DLGAP2: variants seen among roughly 807,000 people sequenced by gnomAD.
DLGAP2 encodes DLG associated protein 2.
In DLGAP2, 26 loss-of-function variants were observed where a neutral mutation model predicts 100.3. That is an observed-to-expected ratio of 0.26 (90% CI 0.19 to 0.36). The LOEUF (loss-of-function observed/expected upper bound fraction) is 0.36. Among genes scored for constraint, DLGAP2 ranks in the 10% least tolerant of loss-of-function variants. The pLI is 1.00. For missense variants in DLGAP2, 1,858 were observed against 1,453.2 expected (o/e 1.28, Z -4.53); for synonymous variants, 886 against 630.1 (o/e 1.41, Z -6.08).
intron 3 of DLGAP2, among the ~76,000 whole-genome samples, chr8:1,363,447 G>A (rs116629990): frequency 0.012 from 1,835 of 152,284 alleles, 37 homozygotes; most frequent in African/African-American, 0.041. Context: ...TAAGCCCTCC[G>A]TCCCCCACAC....
At chr8:744,032 T>C (rs1236691273) in intron 1 of DLGAP2, among the ~76,000 whole-genome samples, 1 of 152,248 alleles carries the variant, frequency 6.6e-6, no homozygotes, top group Non-Finnish European at 1.5e-5. Context: ...AGTCTTTGCA[T>C]CTAAATGCCC....
chr8:965,241 C>T lies in DLGAP2; in HGVS notation c.73+57275C>T, dbSNP rs1203879944. On this transcript the variant is annotated intron_variant, in intron 2 of 14. Transcript: ENST00000637795. ...ACCCCGCACTGCACACGGCACTGTT[C>T]ACCTCACACGGCTCCTGAGCCCAAC... Among the ~76,000 whole-genome samples, 4 of 139,964 alleles carry T rather than the reference C, an allele frequency of 2.9e-5. No individual in the cohort carries two copies. The East Asian group carries it at 8.8e-4, about 31-fold the overall frequency. 91.8% of individuals were successfully genotyped at this position (139,964 alleles called of 152,430 possible). A position where few individuals can be genotyped will look rare whatever the true frequency, so the allele number is the denominator to read the frequency against.
intron 3 of DLGAP2, chr8:1,380,131 G>A (rs1172760472): frequency 1.3e-5 from 2 of 152,172 alleles, no homozygotes; most frequent in Non-Finnish European, 2.9e-5. Context: ...CCGCTGGTTT[G>A]TAACAGTAGT....
intron 3 of DLGAP2, among the ~76,000 whole-genome samples, chr8:1,311,814 T>C (rs928965586): frequency 9.2e-5 from 14 of 152,132 alleles, no homozygotes; most frequent in African/African-American, 3.4e-4. Flanking sequence ...TCCAACATTA[T>C]GCAATAATAG....
chr8:1,192,354 C>T (rs73670659), intron 2 of DLGAP2, among the ~76,000 whole-genome samples: 5,345 of 152,234 alleles, frequency 0.035, 113 homozygotes, highest in East Asian at 0.098. Flanking sequence ...TTGTGAATAC[C>T]TTGCGGAATA....
At chr8:799,902 C>T (rs932819377) in intron 1 of DLGAP2, among the ~76,000 whole-genome samples, 1 of 152,186 alleles carries the variant, frequency 6.6e-6, no homozygotes, top group Admixed American at 6.5e-5. Flanking sequence ...CGGCCCCTCA[C>T]TTTGAATTAT....
intron 2 of DLGAP2, among the ~76,000 whole-genome samples, chr8:1,063,021 A>T (rs982258989): frequency 6.6e-6 from 1 of 152,176 alleles, no homozygotes; most frequent in Non-Finnish European, 1.5e-5. Flanking sequence ...ACCTGCAGCT[A>T]TTAAGACCTG....
intron 3 of DLGAP2, among the ~76,000 whole-genome samples, chr8:1,361,929 A>T (rs1253595333): frequency 4.6e-5 from 7 of 152,178 alleles, no homozygotes; most frequent in Non-Finnish European, 8.8e-5. Context: ...CCAGCCTGGC[A>T]GGTCTCCTGG....
In DLGAP2 at chr8:887,909, A is replaced by G. The variant is rs191400477; in HGVS notation, c.19-20003A>G. ...TGTTCTCTGTATTTCCTGAATTCCT[A>G]GCATGTTGGCCTGTCTTGCTAGGTT... On this transcript the variant is annotated intron_variant, in intron 1 of 14. Coordinates refer to ENST00000637795, the MANE Select transcript of DLGAP2 (RefSeq NM_001346810.2). Among the ~76,000 whole-genome samples, 673 of 152,158 alleles carry G rather than the reference A, an allele frequency of 4.4e-3. 2 individuals are homozygous for G. The highest frequency in any genetic ancestry group is 7.1e-3 in the Non-Finnish European group (484 of 68,000).
chr8:774,004 C>T (rs947706795), intron 1 of DLGAP2, among the ~76,000 whole-genome samples: 12 of 152,220 alleles, frequency 7.9e-5, no homozygotes, highest in Admixed American at 4.6e-4. Flanking sequence ...TCCTCTCCAG[C>T]ACCTGTTGTT....
chr8:1,541,591 A>C (rs970035808), intron 4 of DLGAP2, among the ~76,000 whole-genome samples: 1 of 152,204 alleles, frequency 6.6e-6, no homozygotes, highest in Non-Finnish European at 1.5e-5. Context: ...AAGGAAATGC[A>C]AGATCTCAGT....
intron 8 of DLGAP2, among the ~76,000 whole-genome samples, chr8:1,644,299 G>T (rs1328581307): frequency 6.6e-6 from 1 of 152,226 alleles, no homozygotes; most frequent in East Asian, 1.9e-4. Flanking sequence ...TCGGCTCTGT[G>T]CAAGAGCCAG....
chr8:1,689,866 T>G (rs923450044), intron 12 of DLGAP2, among the ~76,000 whole-genome samples: 2 of 152,168 alleles, frequency 1.3e-5, no homozygotes, highest in African/African-American at 4.8e-5. Context: ...GCCACATACG[T>G]GTACTGGGCA....
intron 2 of DLGAP2, among the ~76,000 whole-genome samples, chr8:1,056,136 T>C (rs369762597): frequency 3.3e-5 from 5 of 152,228 alleles, no homozygotes; most frequent in South Asian, 4.1e-4. Flanking sequence ...GGAGGGCTTT[T>C]AGAGAAAAAT....
chr8:1,448,052 A>G (rs1563155334), intron 3 of DLGAP2, among the ~76,000 whole-genome samples: 2 of 151,846 alleles, frequency 1.3e-5, no homozygotes, highest in Non-Finnish European at 2.9e-5. Context: ...TGGATTCATT[A>G]ATTTTTTGAA....
intron 2 of DLGAP2, among the ~76,000 whole-genome samples, chr8:1,086,739 G>T (rs1213177041): frequency 6.6e-6 from 1 of 152,136 alleles, no homozygotes; most frequent in African/African-American, 2.4e-5. Context: ...GCCCAACAAT[G>T]GAGCACCTAA....
At chr8:1,489,503 C>G (rs917236563) in intron 3 of DLGAP2, among the ~76,000 whole-genome samples, 1 of 152,172 alleles carries the variant, frequency 6.6e-6, no homozygotes, top group Non-Finnish European at 1.5e-5. Context: ...TCATTCCAGG[C>G]CATCTCATTC....
At chr8:895,852 A>G (rs1273393401) in intron 1 of DLGAP2, among the ~76,000 whole-genome samples, 18 of 45,990 alleles carry the variant, frequency 3.9e-4, no homozygotes, top group African/African-American at 1.6e-3. Flanking sequence ...AGAGGTGTCA[A>G]TCCCCAGGGT....
intron 2 of DLGAP2, among the ~76,000 whole-genome samples, chr8:971,889 T>C (rs1800023806): frequency 2.0e-5 from 3 of 152,174 alleles, no homozygotes; most frequent in Admixed American, 1.3e-4. Context: ...CTTGTGATGG[T>C]TGCAGCCCAG....
Sources: allele counts gnomAD v4.1 joint callset (sites outside exome capture counted in the v4.1 genomes callset), GRCh38; gene constraint gnomAD v4.1.1; transcripts MANE v1.5; gene names NCBI Gene and HGNC (gene_info 2026-07-23, HGNC 2026-07-21).